LGR6: variants seen among roughly 807,000 people sequenced by gnomAD.
LGR6 encodes leucine rich repeat containing G protein-coupled receptor 6, also known as leucine-rich repeat-containing G protein-coupled receptor 6.
In LGR6, 45 loss-of-function variants were observed where a neutral mutation model predicts 69.4. That is an observed-to-expected ratio of 0.65 (90% CI 0.51 to 0.83). LGR6 has a LOEUF of 0.83. LGR6 is among the 40% of genes least tolerant of loss of function. The probability of loss-of-function intolerance (pLI) is 0.00; values close to 1 mark genes in which losing one functional copy is unlikely to be tolerated. For missense variants in LGR6, 1,108 were observed against 1,246.7 expected (o/e 0.89, Z 1.68); for synonymous variants, 538 against 555.0 (o/e 0.97, Z 0.43).
chr1:202,243,127 A>T (rs1571879752), intron 4 of LGR6, among the ~76,000 whole-genome samples: 1 of 152,286 alleles, frequency 6.6e-6, no homozygotes, highest in East Asian at 1.9e-4. Context: ...AGCAATTCTG[A>T]GAGGGCTGAA....
chr1:202,203,852 A>G, intron 1 of LGR6: 1 of 1,613,838 alleles, frequency 6.2e-7, no homozygotes, highest in Non-Finnish European at 8.5e-7. Flanking sequence ...TTGTTTGTCA[A>G]GTGTCAATAA....
intron 9 of LGR6, among the ~76,000 whole-genome samples, chr1:202,302,708 G>A (rs969308570): frequency 4.6e-5 from 7 of 152,040 alleles, no homozygotes; most frequent in African/African-American, 7.2e-5. Context: ...CACCACGCCC[G>A]ACTGCTTTTT....
chr1:202,226,948 G>A lies in LGR6; in HGVS notation c.285-988G>A, dbSNP rs1209719289. 3.9e-5 allele frequency among the ~76,000 whole-genome samples: 6 copies of A among 152,176 alleles called. No homozygotes were observed. In the East Asian group the frequency reaches 1.2e-3, roughly 29 times the overall value. ...CAAGAGCAAAGGCCAAGGAGCTCAG[G>A]CAGGTGACATTGGACACGACCTGAG... On this transcript the variant is annotated intron_variant, in intron 2 of 17. Transcript: ENST00000367278.
Position 202,308,292 on chromosome 1 carries a change from A to T in LGR6, c.1281-759A>T, listed in dbSNP as rs142769552. Among the ~76,000 whole-genome samples, 23 of 152,264 alleles carry T rather than the reference A, an allele frequency of 1.5e-4. No individual in the cohort carries two copies. In the East Asian group the frequency reaches 4.4e-3, roughly 29 times the overall value. ...CTCTCCTGTTTGCTCTAGTCCTGCC[A>T]GATAGGTAGGGTGGATATTTTTATC... is the stretch of plus-strand genomic sequence containing the variant. On this transcript the variant is annotated intron_variant, in intron 14 of 17. Coordinates refer to ENST00000367278, the MANE Select transcript of LGR6 (RefSeq NM_001017403.2).
intron 1 of LGR6, chr1:202,203,912 G>T: frequency 6.7e-7 from 1 of 1,499,602 alleles, no homozygotes; most frequent in Non-Finnish European, 9.3e-7. Context: ...TCCTTGGGGG[G>T]TGTTTAGCAC....
intron 6 of LGR6, among the ~76,000 whole-genome samples, chr1:202,288,924 A>G (rs1283798344): frequency 6.6e-6 from 1 of 152,166 alleles, no homozygotes; most frequent in Non-Finnish European, 1.5e-5. Context: ...CGGGCCCCAA[A>G]CATCCAGGTG....
chr1:202,292,158 C>T (rs1443744525), intron 6 of LGR6, among the ~76,000 whole-genome samples: 1 of 152,148 alleles, frequency 6.6e-6, no homozygotes, highest in Admixed American at 6.5e-5. Flanking sequence ...GGCATCGGAG[C>T]CCATTAAGGG....
intron 1 of LGR6, among the ~76,000 whole-genome samples, chr1:202,200,066 C>T (rs1658787043): frequency 6.6e-6 from 1 of 152,216 alleles, no homozygotes; most frequent in African/African-American, 2.4e-5. Flanking sequence ...CCCTCCCACC[C>T]TCCTCCTTTA....
intron 1 of LGR6, among the ~76,000 whole-genome samples, chr1:202,214,917 TGA>T (rs1469591215): frequency 6.6e-6 from 1 of 152,064 alleles, no homozygotes; most frequent in Non-Finnish European, 1.5e-5. Context: ...AGATTCAAAT[TGA>T]GTCTGGGATC....
At chr1:202,210,587 A>T (rs1011256743) in intron 1 of LGR6, 8 of 152,198 alleles carry the variant, frequency 5.3e-5, no homozygotes, top group Non-Finnish European at 8.8e-5. Flanking sequence ...GGCTGCGGTG[A>T]GGATGGAGCC....
At chr1:202,311,648 T>G (rs1653728072) in intron 16 of LGR6, among the ~76,000 whole-genome samples, 1 of 151,800 alleles carries the variant, frequency 6.6e-6, no homozygotes, top group Non-Finnish European at 1.5e-5. Flanking sequence ...GGTGACAGAG[T>G]GAGATTCTGT....
intron 1 of LGR6, 60 bp downstream of exon 1, chr1:202,194,261 C>T (rs1213412567): frequency 3.9e-6 from 5 of 1,298,022 alleles, no homozygotes; most frequent in African/African-American, 3.0e-5. Context: ...CGCCCAGTCC[C>T]GGCCTCAGCA....
At chr1:202,272,938 GGTGTCCCACCT>G (rs200474704) in intron 4 of LGR6, among the ~76,000 whole-genome samples, 2,050 of 152,326 alleles carry the variant, frequency 0.013, 72 homozygotes, top group East Asian at 0.092. Context: ...TCTCTGCCCT[GGTGTCCCACCT>G]GGGCAGGACA....
intron 6 of LGR6, among the ~76,000 whole-genome samples, chr1:202,292,609 G>C (rs1031171666): frequency 4.6e-5 from 7 of 152,136 alleles, no homozygotes; most frequent in African/African-American, 1.7e-4. Context: ...TCCTGGACTA[G>C]ATACAGTATG....
At chr1:202,227,823 T>A (rs1660678851) in intron 2 of LGR6, 113 bp from the exon 3 acceptor site, 1 of 726,144 alleles carries the variant, frequency 1.4e-6, no homozygotes, top group African/African-American at 1.7e-5. Flanking sequence ...TTTCAATAAA[T>A]AGTAGTTTTT....
chr1:202,216,729 T>C (rs1659810381), intron 1 of LGR6, among the ~76,000 whole-genome samples: 1 of 152,180 alleles, frequency 6.6e-6, no homozygotes, highest in Non-Finnish European at 1.5e-5. Flanking sequence ...CAGGTCACAC[T>C]GTGGCTCCGG....
Position 202,217,054 on chromosome 1 carries a change from G to T in LGR6, c.213-8369G>T, listed in dbSNP as rs114430957. ...CACAGCTGTGCCGGGGAGAGCTAGA[G>T]ATGTCCCCTCAGCCTGCGATGGGCC... On this transcript the variant is annotated intron_variant, in intron 1 of 17. Transcript: ENST00000367278. Among the ~76,000 whole-genome samples the T allele has an allele frequency of 3.2e-3, 487 of 152,344 alleles. 2 individuals carry two copies. The highest frequency in any genetic ancestry group is 0.02 in the South Asian group (95 of 4,830).
At chr1:202,279,664 T>A (rs1033009867) in intron 5 of LGR6, among the ~76,000 whole-genome samples, 10 of 152,238 alleles carry the variant, frequency 6.6e-5, no homozygotes, top group African/African-American at 2.2e-4. Flanking sequence ...ATTTTTGGAT[T>A]CTCTGCTCCA....
chr1:202,238,655 C>T (rs1661837315), intron 4 of LGR6, among the ~76,000 whole-genome samples: 1 of 151,984 alleles, frequency 6.6e-6, no homozygotes, highest in South Asian at 2.1e-4. Flanking sequence ...GAACTCCTGA[C>T]CTCGTGATTC....
Sources: allele counts gnomAD v4.1 joint callset (sites outside exome capture counted in the v4.1 genomes callset), GRCh38; gene constraint gnomAD v4.1.1; transcripts MANE v1.5; gene names NCBI Gene and HGNC (gene_info 2026-07-23, HGNC 2026-07-21).